Variants in URM1 observed in about 807,000 individuals in gnomAD.
The protein encoded by URM1 is ubiquitin related modifier 1.
URM1 carries 11 observed loss-of-function variants against 17.7 expected under a neutral mutation model. That is an observed-to-expected ratio of 0.62 (90% CI 0.39 to 1.03). URM1 has a LOEUF of 1.03. Ranked by LOEUF, URM1 falls within the 50% of genes least tolerant of loss-of-function variation. URM1 has a pLI of 0.00. For synonymous variants in URM1, 48 were observed against 50.6 expected (o/e 0.95, Z 0.22); for missense variants, 128 against 129.2 (o/e 0.99, Z 0.04).
chr9:128,372,925 A>G (rs1480099980), intron 1 of URM1, among the ~76,000 whole-genome samples: 1 of 151,956 alleles, frequency 6.6e-6, no homozygotes, highest in Non-Finnish European at 1.5e-5. Flanking sequence ...AAAAAAAAAA[A>G]GAAGATTTAT....
intron 1 of URM1, among the ~76,000 whole-genome samples, chr9:128,376,694 T>TAATAA (rs58525293): frequency 0.33 from 49,867 of 149,644 alleles, 11,726 homozygotes; most frequent in African/African-American, 0.68. Context: ...TAAAATAAAA[T>TAATAA]AATAAAAATA....
At chr9:128,374,954 T>C (rs1422151275) in intron 1 of URM1, among the ~76,000 whole-genome samples, 1 of 152,210 alleles carries the variant, frequency 6.6e-6, no homozygotes, top group Non-Finnish European at 1.5e-5. Flanking sequence ...AACTCTGCCC[T>C]CAAGAGGCTT....
In URM1 at chr9:128,387,748, C is replaced by A. The variant is rs1039721287; in HGVS notation, c.107-68C>A. ...CGTGTGTATTTCCTTGTGGGCCAGG[C>A]AAGGCTCTGGGGGTGGGCAGGTGCT... is the stretch of plus-strand genomic sequence containing the variant. On this transcript the variant is annotated intron_variant, in intron 2 of 4. Coordinates refer to ENST00000372853, the MANE Select transcript of URM1 (RefSeq NM_030914.4). This position sits in a 1 kb window ranked among gnomAD's most constrained non-coding sequence, Gnocchi z 4.3. 110 of 1,607,024 alleles carry A rather than the reference C, an allele frequency of 6.8e-5. No individual in the cohort carries two copies. The East Asian group carries it at 2.4e-3, about 35-fold the overall frequency.
chr9:128,383,434 T>TCCGAAGAG (rs1833185754), intron 2 of URM1, among the ~76,000 whole-genome samples: 1 of 151,822 alleles, frequency 6.6e-6, no homozygotes, highest in Non-Finnish European at 1.5e-5. Context: ...GGGTGGGCTC[T>TCCGAAGAG]CCGAAGAGCC....
At chr9:128,389,608 G>A (rs1344728720) in intron 4 of URM1, 58 bp from the exon 5 acceptor site, 1 of 1,608,894 alleles carries the variant, frequency 6.2e-7, no homozygotes, top group Non-Finnish European at 8.5e-7. Flanking sequence ...CCCAACTCCT[G>A]GGGTGGACCT....
At chr9:128,388,635 C>T in intron 3 of URM1, 9 of 986,442 alleles carry the variant, frequency 9.1e-6, no homozygotes, top group Non-Finnish European at 1.1e-5. Context: ...CTAAGGCCAG[C>T]AGTGCTCCTT....
intron 1 of URM1, among the ~76,000 whole-genome samples, chr9:128,375,767 C>T (rs535238724): frequency 1.3e-5 from 2 of 152,084 alleles, no homozygotes; most frequent in Admixed American, 1.3e-4. Context: ...GCCATGTTGC[C>T]CAGGCTGCTC....
chr9:128,384,057 C>T (rs1412571189), intron 2 of URM1, among the ~76,000 whole-genome samples: 2 of 152,310 alleles, frequency 1.3e-5, no homozygotes, highest in South Asian at 2.1e-4. Flanking sequence ...TTGTGCCTTA[C>T]GTAATCCTCA....
chr9:128,382,580 CA>C (rs1213491555), intron 2 of URM1, among the ~76,000 whole-genome samples: 1 of 152,144 alleles, frequency 6.6e-6, no homozygotes, highest in African/African-American at 2.4e-5. Context: ...AAATGATGAG[CA>C]AGGCCTGAGG....
intron 1 of URM1, among the ~76,000 whole-genome samples, chr9:128,371,708 T>C (rs1318032128): frequency 6.6e-6 from 1 of 152,190 alleles, no homozygotes; most frequent in Non-Finnish European, 1.5e-5. Flanking sequence ...CTCTCTCTCT[T>C]CTTTTCCATT....
At chr9:128,389,402 G>T (rs1833274053) in intron 4 of URM1, 93 bp downstream of exon 4, 7 of 1,611,438 alleles carry the variant, frequency 4.3e-6, no homozygotes, top group Non-Finnish European at 5.9e-6. Context: ...ATATAGAGTG[G>T]CTGGGTAATC....
intron 2 of URM1, among the ~76,000 whole-genome samples, chr9:128,386,660 A>G (rs1379484663): frequency 1.3e-5 from 2 of 152,238 alleles, no homozygotes; most frequent in Non-Finnish European, 2.9e-5. Flanking sequence ...GTGGGCCCAG[A>G]CAGGGCAGAG....
At chr9:128,388,654 AC>A (rs975793489) in intron 3 of URM1, 1 of 986,246 alleles carries the variant, frequency 1.0e-6, no homozygotes, top group South Asian at 4.7e-5. Flanking sequence ...TTGGGCCATT[AC>A]CAGTGGGAGC....
chr9:128,389,935 A>G lies in URM1; in HGVS notation c.*201A>G. 3.0e-6 allele frequency: 2 copies of G among 659,862 alleles called. No homozygotes were observed. The highest frequency in any genetic ancestry group is 5.0e-6 in the Non-Finnish European group (2 of 396,726). The allele number at this position is 659,862 out of a possible 1,614,324, so 40.9% of individuals were successfully genotyped here. ...AGCACGTGAGCAGCGGAAGGCAGAC[A>G]GGCGCCAGAGCCCAGCACTCCCTTT... On this transcript the variant is annotated 3_prime_UTR_variant, in exon 5 of 5. Transcript: ENST00000372853.
Position 128,387,964 on chromosome 9 carries a change from CG to C in URM1, c.188+70del. 6.2e-7 allele frequency: 1 copy of C among 1,605,168 alleles called. No individual in the cohort carries two copies. The highest frequency in any genetic ancestry group is 8.5e-7 in the Non-Finnish European group (1 of 1,176,022). ...GGACGGATATTTGAGCCCCCACCCT[CG>C]GGTTCAGTCCTGGCCTTCTCTGAAT... On this transcript the variant is annotated intron_variant, in intron 3 of 4. Transcript: ENST00000372853. The surrounding 1 kb of genome is among the most constrained non-coding windows in gnomAD (Gnocchi z 4.3).
intron 2 of URM1, 83 bp downstream of exon 2, chr9:128,378,189 C>T (rs1833103438): frequency 4.3e-6 from 4 of 941,066 alleles, no homozygotes; most frequent in South Asian, 1.6e-5. Context: ...CCGTTCAGGC[C>T]TGTGTTCTGC....
At chr9:128,378,563 A>C (rs1181057156) in intron 2 of URM1, among the ~76,000 whole-genome samples, 6 of 147,782 alleles carry the variant, frequency 4.1e-5, no homozygotes, top group Non-Finnish European at 5.9e-5. Context: ...AAAAAAAAAA[A>C]AAAAAAAAAC....
chr9:128,383,723 T>C (rs1833190542), intron 2 of URM1, among the ~76,000 whole-genome samples: 1 of 152,180 alleles, frequency 6.6e-6, no homozygotes, highest in Admixed American at 6.5e-5. Context: ...GATGAGGGTC[T>C]GTTACGCCTG....
intron 2 of URM1, among the ~76,000 whole-genome samples, chr9:128,380,828 TTTG>T (rs1250738518): frequency 1.3e-5 from 2 of 151,364 alleles, no homozygotes; most frequent in East Asian, 1.9e-4. Context: ...TTTTGTTTGT[TTTG>T]TTGTTGTTTT....
Sources: gnomAD v4.1 joint callset for allele counts (sites outside exome capture counted in the v4.1 genomes callset) on GRCh38, gnomAD v4.1.1 for gene constraint, Gnocchi (gnomAD v3.1) non-coding constraint, MANE v1.5 for transcripts, NCBI Gene and HGNC (gene_info 2026-07-23, HGNC 2026-07-21) for gene names.